The following COL25A1 variants were observed in gnomAD, a reference collection of about 807,000 sequenced individuals.
COL25A1 encodes the protein collagen alpha-1(XXV) chain.
Under a neutral mutation model 128.4 loss-of-function variants are expected in COL25A1, and 103 were observed. The observed-to-expected ratio is 0.80, with a 90% CI of 0.68 to 0.94. COL25A1 has a LOEUF of 0.94. Ranked by LOEUF, COL25A1 falls within the 40% of genes least tolerant of loss-of-function variation. COL25A1 has a pLI of 0.00. For missense variants in COL25A1, 745 were observed against 840.0 expected, an observed-to-expected ratio of 0.89 and a Z score of 1.40; for synonymous variants, 279 against 277.2, an observed-to-expected ratio of 1.01 and a Z score of -0.06.
chr4:108,886,473 TGTGTGTGTGTGTGTGTGTG>T (rs1740803261), intron 18 of COL25A1, among the ~76,000 whole-genome samples: 1 of 126,556 alleles, frequency 7.9e-6, no homozygotes, highest in African/African-American at 2.7e-5. Flanking sequence ...TGTGTGTGTG[TGTGTGTGTGTGTGTGTGTG>T]TTTAGCTCAT....
intron 3 of COL25A1, among the ~76,000 whole-genome samples, chr4:109,117,679 G>A (rs758992610): frequency 6.6e-6 from 1 of 151,882 alleles, no homozygotes. Context: ...ATTCAGTTAT[G>A]TGTGCTCATG....
intron 3 of COL25A1, among the ~76,000 whole-genome samples, chr4:109,248,977 C>G (rs1780468140): frequency 6.6e-6 from 1 of 152,190 alleles, no homozygotes; most frequent in African/African-American, 2.4e-5. Context: ...TGGACTTATT[C>G]AGCATATACT....
At chr4:109,099,972 G>A (rs1437884454) in intron 3 of COL25A1, among the ~76,000 whole-genome samples, 1 of 152,002 alleles carries the variant, frequency 6.6e-6, no homozygotes, top group Non-Finnish European at 1.5e-5. Context: ...TCATGTGTGG[G>A]GACAGCATGT....
intron 3 of COL25A1, among the ~76,000 whole-genome samples, chr4:109,226,218 T>C (rs568538910): frequency 6.6e-6 from 1 of 151,454 alleles, no homozygotes; most frequent in Non-Finnish European, 1.5e-5. Context: ...TAGACTGGAG[T>C]CTCAGAAGAA....
intron 3 of COL25A1, among the ~76,000 whole-genome samples, chr4:109,156,158 T>C (rs1772009506): frequency 1.3e-5 from 2 of 152,190 alleles, no homozygotes; most frequent in African/African-American, 2.4e-5. Flanking sequence ...AAGGAAGCCA[T>C]TTAGACATGG....
intron 3 of COL25A1, among the ~76,000 whole-genome samples, chr4:109,185,387 GA>G (rs1454588743): frequency 1.3e-5 from 2 of 152,140 alleles, no homozygotes; most frequent in Admixed American, 6.6e-5. Flanking sequence ...GTACAAAGGA[GA>G]AAACTAAGAC....
chr4:109,217,373 A>T (rs1778069869), intron 3 of COL25A1, among the ~76,000 whole-genome samples: 2 of 152,322 alleles, frequency 1.3e-5, no homozygotes, highest in African/African-American at 4.8e-5. Flanking sequence ...TGAAATACAA[A>T]ACAGACAATA....
intron 8 of COL25A1, among the ~76,000 whole-genome samples, chr4:108,954,811 A>AG (rs1436310283): frequency 6.6e-6 from 1 of 152,100 alleles, no homozygotes; most frequent in Non-Finnish European, 1.5e-5. Flanking sequence ...TAAATAAAAG[A>AG]GAAAAAAAGG....
chr4:108,860,878 T>C (rs199526760), intron 23 of COL25A1, 49 bp downstream of exon 23: 2 of 1,512,428 alleles, frequency 1.3e-6, no homozygotes, highest in African/African-American at 2.7e-5. Flanking sequence ...TGAATTCAAA[T>C]CTGGGATTGT....
intron 3 of COL25A1, among the ~76,000 whole-genome samples, chr4:109,184,488 C>T (rs1420604440): frequency 6.6e-6 from 1 of 152,164 alleles, no homozygotes; most frequent in African/African-American, 2.4e-5. Context: ...GCCGGCTGCA[C>T]TGGCTCCTAG....
At chr4:109,089,780 A>T (rs1371798418) in intron 3 of COL25A1, among the ~76,000 whole-genome samples, 1 of 151,942 alleles carries the variant, frequency 6.6e-6, no homozygotes, top group Non-Finnish European at 1.5e-5. Flanking sequence ...TAATTTTTAT[A>T]TTTGTAGTTG....
At chr4:108,995,088 C>A (rs184020749) in intron 6 of COL25A1, among the ~76,000 whole-genome samples, 20 of 152,282 alleles carry the variant, frequency 1.3e-4, no homozygotes, top group African/African-American at 4.8e-4. Context: ...TGGTCACCAA[C>A]AAGGCAACAA....
At chr4:109,145,993 ATTTC>A (rs889874042) in intron 3 of COL25A1, among the ~76,000 whole-genome samples, 7 of 152,350 alleles carry the variant, frequency 4.6e-5, no homozygotes, top group African/African-American at 1.2e-4. Context: ...ATTGAAGCCT[ATTTC>A]TTTCTAATTT....
chr4:108,971,095 A>C (rs1424923383), intron 8 of COL25A1, among the ~76,000 whole-genome samples: 1 of 151,992 alleles, frequency 6.6e-6, no homozygotes, highest in Admixed American at 6.6e-5. Context: ...CTCAAGTGTC[A>C]CCTCTTCCAC....
chr4:109,031,805 C>T (rs1383098795), intron 5 of COL25A1, among the ~76,000 whole-genome samples: 9 of 152,128 alleles, frequency 5.9e-5, no homozygotes, highest in Non-Finnish European at 7.4e-5. Context: ...TCCTGCTATC[C>T]TCACAACCTG....
chr4:109,269,871 A>G (rs1381308506), intron 3 of COL25A1, among the ~76,000 whole-genome samples: 1 of 152,226 alleles, frequency 6.6e-6, no homozygotes, highest in Non-Finnish European at 1.5e-5. Context: ...CTTATCCACC[A>G]TGATCAAGTG....
chr4:109,164,764 T>G (rs1772910385), intron 3 of COL25A1, among the ~76,000 whole-genome samples: 1 of 152,200 alleles, frequency 6.6e-6, no homozygotes, highest in Admixed American at 6.5e-5. Context: ...TTTTGTTCTT[T>G]TAAATATTTT....
At chr4:109,009,032 G>A (rs1038950793) in intron 6 of COL25A1, among the ~76,000 whole-genome samples, 1 of 152,154 alleles carries the variant, frequency 6.6e-6, no homozygotes, top group Non-Finnish European at 1.5e-5. Context: ...TGAGACAGGA[G>A]AATCACTTGA....
chr4:109,258,784 A>G (rs1034452279), intron 3 of COL25A1, among the ~76,000 whole-genome samples: 8 of 152,196 alleles, frequency 5.3e-5, no homozygotes, highest in Admixed American at 6.5e-5. Flanking sequence ...TCATTAAAAT[A>G]TAACTCCAAG....
Sources: gnomAD v4.1 joint callset for allele counts (sites outside exome capture counted in the v4.1 genomes callset) on GRCh38, gnomAD v4.1.1 for gene constraint, MANE v1.5 for transcripts, NCBI Gene and HGNC (gene_info 2026-07-23, HGNC 2026-07-21) for gene names.